HELLS: variants seen among roughly 807,000 people sequenced by gnomAD.
The protein encoded by HELLS is helicase, lymphoid specific, also known as lymphoid-specific helicase.
HELLS carries 32 observed loss-of-function variants against 120.0 expected under a neutral mutation model. The observed-to-expected ratio is 0.27, with a 90% CI of 0.20 to 0.36. HELLS has a LOEUF of 0.36. Ranked by LOEUF, HELLS falls within the 10% of genes least tolerant of loss-of-function variation. The probability of loss-of-function intolerance (pLI) is 1.00; values close to 1 mark genes in which losing one functional copy is unlikely to be tolerated. For missense variants in HELLS, 650 were observed against 993.4 expected (o/e 0.65, Z 4.65); for synonymous variants, 341 against 323.4 (o/e 1.05, Z -0.58).
chr10:94,607,269 A>G (rs113499750), intron 8 of HELLS, among the ~76,000 whole-genome samples: 9 of 152,020 alleles, frequency 5.9e-5, no homozygotes, highest in African/African-American at 2.2e-4. Flanking sequence ...TCTAACACTG[A>G]TACTTTCATT....
chr10:94,548,250 A>T (rs775617207), intron 2 of HELLS, among the ~76,000 whole-genome samples: 1 of 152,204 alleles, frequency 6.6e-6, no homozygotes, highest in Non-Finnish European at 1.5e-5. Context: ...GATTATATAC[A>T]TATACTAAAT....
rs994278568 is a variant in HELLS at position 94,557,203 on chromosome 10, G to T, written c.277-936G>T. 7.2e-6 allele frequency: 3 copies of T among 419,104 alleles called. No homozygotes were observed. In the East Asian group the frequency reaches 2.3e-4, roughly 32 times the overall value. 26.0% of individuals were successfully genotyped at this position (419,104 alleles called of 1,614,324 possible). ...GACTGTTATGAAGATTTAAAAACTT[G>T]TGCAAATTGAGAGAATACAGTAAGT... is the stretch of plus-strand genomic sequence containing the variant. On this transcript the variant is annotated intron_variant, in intron 3 of 21. Coordinates refer to ENST00000348459, the MANE Select transcript of HELLS (RefSeq NM_018063.5).
intron 9 of HELLS, among the ~76,000 whole-genome samples, chr10:94,608,636 G>GTT (rs140578329): frequency 5.3e-4 from 78 of 148,156 alleles, no homozygotes; most frequent in African/African-American, 7.9e-4. Context: ...CAGTTTTTTA[G>GTT]TTTTTTTTTT....
intron 10 of HELLS, among the ~76,000 whole-genome samples, chr10:94,580,156 T>TATATATATATA (rs1844781138): frequency 2.0e-5 from 1 of 49,204 alleles, no homozygotes; most frequent in African/African-American, 1.2e-4. Context: ...TATATATATA[T>TATATATATATA]ATATATACAC....
Position 94,545,826 on chromosome 10 carries a change from G to C in HELLS, c.-96G>C, listed in dbSNP as rs1396435240. 7.2e-7 allele frequency: 1 copy of C among 1,387,934 alleles called. No individual in the cohort carries two copies. Among genetic ancestry groups the C allele is most frequent in the African/African-American group, 1.4e-5 (1 of 69,816 alleles). 86.0% of individuals were successfully genotyped at this position (1,387,934 alleles called of 1,614,324 possible). A position where few individuals can be genotyped will look rare whatever the true frequency, so the allele number is the denominator to read the frequency against. On this transcript the variant is annotated 5_prime_UTR_variant, in exon 1 of 22. Coordinates refer to ENST00000348459, the MANE Select transcript of HELLS (RefSeq NM_018063.5). ...GCTTTTTTCCCTGGCGGGGGATTTGGCTAGAAGGCTGGGCCGGCAGCGGTT... is the reference window on the plus strand; with the variant it reads ...GCTTTTTTCCCTGGCGGGGGATTTGCCTAGAAGGCTGGGCCGGCAGCGGTT...
chr10:94,581,882 GAA>G, intron 11 of HELLS, among the ~76,000 whole-genome samples: 1 of 152,200 alleles, frequency 6.6e-6, no homozygotes, highest in Admixed American at 6.5e-5. Flanking sequence ...TCACATAAAA[GAA>G]AACCTAGGTG....
chr10:94,563,844 C>A (rs1003100657), intron 6 of HELLS, among the ~76,000 whole-genome samples: 1 of 149,852 alleles, frequency 6.7e-6, no homozygotes, highest in African/African-American at 2.5e-5. Flanking sequence ...GAGATTTACC[C>A]TTGCTGCCCA....
At chr10:94,556,834 ATGT>A (rs147883458) in intron 3 of HELLS, among the ~76,000 whole-genome samples, 4,251 of 152,166 alleles carry the variant, frequency 0.028, 95 homozygotes, top group South Asian at 0.045. Context: ...CTCCTAGCTT[ATGT>A]TGTTTCTGAA....
At chr10:94,551,840 C>T (rs1018114467) in intron 2 of HELLS, among the ~76,000 whole-genome samples, 1 of 151,700 alleles carries the variant, frequency 6.6e-6, no homozygotes, top group African/African-American at 2.4e-5. Flanking sequence ...TCCGGGTTCA[C>T]GCCATTCTCC....
At chr10:94,561,517 G>C (rs994847545) in intron 4 of HELLS, among the ~76,000 whole-genome samples, 1 of 152,066 alleles carries the variant, frequency 6.6e-6, no homozygotes, top group African/African-American at 2.4e-5. Flanking sequence ...CCAGGCTAGA[G>C]TCCAGTAGCA....
At chr10:94,556,367 A>G (rs1843265663) in intron 3 of HELLS, among the ~76,000 whole-genome samples, 1 of 152,016 alleles carries the variant, frequency 6.6e-6, no homozygotes, top group Admixed American at 6.6e-5. Context: ...TGCTCAGTGT[A>G]TTTTTGAGAT....
intron 2 of HELLS, among the ~76,000 whole-genome samples, chr10:94,549,916 T>G (rs1182841713): frequency 6.6e-6 from 1 of 152,054 alleles, no homozygotes; most frequent in East Asian, 1.9e-4. Flanking sequence ...TTAGTGATTT[T>G]TATTTTTATT....
At chr10:94,592,611 AAGAT>A (rs1345143584) in intron 17 of HELLS, 97 bp downstream of exon 17, 25 of 838,682 alleles carry the variant, frequency 3.0e-5, no homozygotes, top group Non-Finnish European at 3.5e-5. Flanking sequence ...AATTGATAAA[AAGAT>A]AGAAATGACC....
chr10:94,584,014 A>G, intron 12 of HELLS: 1 of 743,194 alleles, frequency 1.3e-6, no homozygotes, highest in Non-Finnish European at 2.2e-6. Context: ...TGTATGTGTC[A>G]GAGTTTACAG....
intron 21 of HELLS, among the ~76,000 whole-genome samples, chr10:94,600,311 C>T (rs1270046676): frequency 1.4e-5 from 2 of 146,384 alleles, no homozygotes; most frequent in African/African-American, 5.0e-5. Flanking sequence ...AAAAAAAAAT[C>T]CCAGAATGAC....
intron 12 of HELLS, among the ~76,000 whole-genome samples, chr10:94,587,810 T>C (rs1845248090): frequency 1.3e-5 from 2 of 152,204 alleles, no homozygotes; most frequent in Non-Finnish European, 2.9e-5. Flanking sequence ...TACCAAATAT[T>C]AGGTCTTATT....
At chr10:94,557,776 G>C (rs1843339687) in intron 3 of HELLS, among the ~76,000 whole-genome samples, 1 of 152,216 alleles carries the variant, frequency 6.6e-6, no homozygotes, top group Admixed American at 6.5e-5. Flanking sequence ...TCAACACAAA[G>C]AGACTGTTGG....
chr10:94,555,569 A>G (rs765636825), intron 3 of HELLS, among the ~76,000 whole-genome samples: 23 of 152,238 alleles, frequency 1.5e-4, no homozygotes, highest in Non-Finnish European at 2.8e-4. Flanking sequence ...TTCTTTCTCC[A>G]TACCTTGTTC....
intron 19 of HELLS, 146 bp downstream of exon 19, chr10:94,595,000 T>C: frequency 1.7e-6 from 1 of 591,844 alleles, no homozygotes; most frequent in South Asian, 2.7e-5. Context: ...GATGCCAAGG[T>C]GAGTGGATCA....
Sources: allele counts gnomAD v4.1 joint callset (sites outside exome capture counted in the v4.1 genomes callset), GRCh38; gene constraint gnomAD v4.1.1; transcripts MANE v1.5; gene names NCBI Gene and HGNC (gene_info 2026-07-23, HGNC 2026-07-21).